PCDHGA9: variants seen among roughly 807,000 people sequenced by gnomAD.
PCDHGA9 encodes protocadherin gamma-A9.
In PCDHGA9, 37 loss-of-function variants were observed where a neutral mutation model predicts 62.5. The ratio of observed to expected loss-of-function variants is 0.59; its 90% CI spans 0.46 to 0.78. PCDHGA9 has a LOEUF of 0.78. Ranked by LOEUF, PCDHGA9 falls within the 30% of genes least tolerant of loss-of-function variation. The probability of loss-of-function intolerance (pLI) is 0.00; values close to 1 mark genes in which losing one functional copy is unlikely to be tolerated. For missense variants in PCDHGA9, 1,138 were observed against 1,166.2 expected (o/e 0.98, Z 0.35); for synonymous variants, 459 against 484.6 (o/e 0.95, Z 0.69).
At chr5:141,495,279 G>T (rs72790069) in intron 2 of PCDHGA9, among the ~76,000 whole-genome samples, 4 of 152,146 alleles carry the variant, frequency 2.6e-5, no homozygotes, top group Non-Finnish European at 5.9e-5. Context: ...CGGAGGAGGC[G>T]GTCCGCACTC....
chr5:141,410,103 A>G, intron 1 of PCDHGA9: 1 of 1,612,622 alleles, frequency 6.2e-7, no homozygotes, highest in South Asian at 1.1e-5. Flanking sequence ...GCCTTAGGCG[A>G]CAGGGACGCA....
At chr5:141,410,903 G>C (rs191165984) in intron 1 of PCDHGA9, 2 of 276,978 alleles carry the variant, frequency 7.2e-6, no homozygotes, top group South Asian at 4.9e-5. Context: ...GCCTAGGCTG[G>C]AGTGCAGTGG....
chr5:141,415,322 T>G (rs1226384298), intron 1 of PCDHGA9: 2 of 1,614,104 alleles, frequency 1.2e-6, no homozygotes, highest in South Asian at 2.2e-5. Flanking sequence ...ATCGTGCTGC[T>G]GGCGCACAGG....
chr5:141,495,977 T>C (rs2099765025), intron 2 of PCDHGA9, among the ~76,000 whole-genome samples: 1 of 152,174 alleles, frequency 6.6e-6, no homozygotes, highest in Admixed American at 6.5e-5. Flanking sequence ...TCTGTTACTC[T>C]TTCTTTATCT....
chr5:141,466,669 C>T lies in PCDHGA9; in HGVS notation c.2425-28138C>T, dbSNP rs529252130. The stretch of plus-strand genomic sequence containing the variant: ...TTTCACAAAACATCAGTGATTTCAC[C>T]GTTCTTCCACTCAAGCTTCATCATA... On this transcript the variant is annotated intron_variant, in intron 1 of 3. Transcript: ENST00000573521. Among the ~76,000 whole-genome samples the T allele has an allele frequency of 8.5e-5, 13 of 152,278 alleles. No homozygotes were observed. The East Asian group carries it at 9.6e-4, about 11-fold the overall frequency.
intron 1 of PCDHGA9, chr5:141,418,549 C>T: frequency 6.2e-7 from 1 of 1,614,024 alleles, no homozygotes; most frequent in Non-Finnish European, 8.5e-7. Context: ...AGATAAGAAT[C>T]CTGGTAATAG....
chr5:141,479,860 C>T (rs1374284598), intron 1 of PCDHGA9, among the ~76,000 whole-genome samples: 2 of 152,108 alleles, frequency 1.3e-5, no homozygotes, highest in Admixed American at 6.5e-5. Context: ...AAGGCCTTTG[C>T]CCTGGAGAGA....
At chr5:141,465,852 G>A (rs1250863307) in intron 1 of PCDHGA9, among the ~76,000 whole-genome samples, 1 of 151,996 alleles carries the variant, frequency 6.6e-6, no homozygotes, top group East Asian at 1.9e-4. Context: ...GCTGGGCCCA[G>A]TGGCTCATGC....
rs1379095967 is a variant in PCDHGA9 at position 141,422,752 on chromosome 5, A to C, written c.2424+17376A>C. The C allele has an allele frequency of 6.2e-7, 1 of 1,612,064 alleles. No homozygotes were observed. The highest frequency in any genetic ancestry group is 1.3e-5 in the African/African-American group (1 of 74,892). On this transcript the variant is annotated intron_variant, in intron 1 of 3. Transcript: ENST00000573521. The stretch of plus-strand genomic sequence containing the variant: ...GCCTCTGTCCTCCTATGTCTCTATT[A>C]ACTCCAACACTGGTGTTCTCTATGC...
At chr5:141,467,643 C>G (rs2099147861) in intron 1 of PCDHGA9, among the ~76,000 whole-genome samples, 1 of 152,112 alleles carries the variant, frequency 6.6e-6, no homozygotes, top group Non-Finnish European at 1.5e-5. Flanking sequence ...TTATCATGTA[C>G]CAAACTTCTA....
In PCDHGA9 at chr5:141,431,464, G is replaced by C. The variant is rs1413324509; in HGVS notation, c.2424+26088G>C. On this transcript the variant is annotated intron_variant, in intron 1 of 3. Coordinates refer to ENST00000573521, the MANE Select transcript of PCDHGA9 (RefSeq NM_018921.3). This position sits in a 1 kb window ranked among gnomAD's most constrained non-coding sequence, Gnocchi z 4.8. ...GCATCCGCGTGATGGTTCTGGATGCGAACGACAACGCACCAGCGTTTGCTC... is the reference window on the plus strand; with the variant it reads ...GCATCCGCGTGATGGTTCTGGATGCCAACGACAACGCACCAGCGTTTGCTC... The C allele has an allele frequency of 6.2e-7, 1 of 1,613,664 alleles. No individual in the cohort carries two copies. Among genetic ancestry groups the C allele is most frequent in the African/African-American group, 1.3e-5 (1 of 74,950 alleles).
intron 1 of PCDHGA9, among the ~76,000 whole-genome samples, chr5:141,443,131 A>G (rs1042010214): frequency 7.2e-5 from 11 of 152,144 alleles, no homozygotes; most frequent in Non-Finnish European, 1.6e-4. Context: ...GATTAAGAAC[A>G]CTATCATAAG....
intron 1 of PCDHGA9, among the ~76,000 whole-genome samples, chr5:141,463,896 T>C (rs982611169): frequency 2.0e-5 from 3 of 152,192 alleles, no homozygotes; most frequent in African/African-American, 7.2e-5. Flanking sequence ...CCTTGCTTTT[T>C]GTACTAATAA....
chr5:141,510,239 C>T (rs2099880022), intron 3 of PCDHGA9, among the ~76,000 whole-genome samples: 1 of 150,434 alleles, frequency 6.6e-6, no homozygotes, highest in Non-Finnish European at 1.5e-5. Flanking sequence ...CGCCACTGCA[C>T]TCCAGGCTGG....
intron 1 of PCDHGA9, among the ~76,000 whole-genome samples, chr5:141,460,804 T>C (rs2098998238): frequency 1.3e-5 from 2 of 152,020 alleles, no homozygotes; most frequent in African/African-American, 4.8e-5. Flanking sequence ...AGTATATATA[T>C]GTATGTATAC....
At chr5:141,469,468 G>A (rs62379200) in intron 1 of PCDHGA9, among the ~76,000 whole-genome samples, 32,669 of 151,998 alleles carry the variant, frequency 0.21, 3,638 homozygotes, top group African/African-American at 0.27. Context: ...TCAGCTACTC[G>A]GGAGGCTGAG....
At chr5:141,488,525 G>A (rs1040463796) in intron 1 of PCDHGA9, among the ~76,000 whole-genome samples, 1 of 152,182 alleles carries the variant, frequency 6.6e-6, no homozygotes, top group African/African-American at 2.4e-5. Flanking sequence ...TGGGGTGTCA[G>A]AAAAGCTAAG....
intron 1 of PCDHGA9, among the ~76,000 whole-genome samples, chr5:141,460,454 T>C (rs1010186960): frequency 6.6e-6 from 1 of 152,194 alleles, no homozygotes; most frequent in Admixed American, 6.6e-5. Context: ...TGAAGATTCA[T>C]ATTTTTTTCC....
Position 141,511,590 on chromosome 5 carries a change from A to C in PCDHGA9, c.*417A>C, listed in dbSNP as rs2099883868. On this transcript the variant is annotated 3_prime_UTR_variant, in exon 4 of 4. Transcript: ENST00000573521. ...AGTAAGGTGGTTGGGGTGTTGAAGT[A>C]CCAAGTAACCTACAAGCCTCCTAGT... The C allele has an allele frequency of 3.7e-6, 1 of 267,790 alleles. No homozygotes were observed. Among genetic ancestry groups the C allele is most frequent in the Admixed American group, 4.8e-5 (1 of 20,946 alleles). The allele number at this position is 267,790 out of a possible 1,614,324, so 16.6% of individuals were successfully genotyped here.
Sources: gnomAD v4.1 joint callset for allele counts (sites outside exome capture counted in the v4.1 genomes callset) on GRCh38, gnomAD v4.1.1 for gene constraint, Gnocchi (gnomAD v3.1) non-coding constraint, MANE v1.5 for transcripts, NCBI Gene and HGNC (gene_info 2026-07-23, HGNC 2026-07-21) for gene names.